The following GRHL1 variants were observed in gnomAD, a reference collection of about 807,000 sequenced individuals.
GRHL1 encodes grainyhead-like protein 1 homolog.
In GRHL1, 38 loss-of-function variants were observed where a neutral mutation model predicts 75.7. The observed-to-expected ratio is 0.50, with a 90% CI of 0.39 to 0.66. The LOEUF is 0.66. GRHL1 is among the 30% of genes least tolerant of loss of function. The probability of loss-of-function intolerance (pLI) is 0.00; values close to 1 mark genes in which losing one functional copy is unlikely to be tolerated. For synonymous variants in GRHL1, 266 were observed against 279.4 expected (o/e 0.95, Z 0.48); for missense variants, 589 against 767.5 (o/e 0.77, Z 2.75).
chr2:9,990,821 C>A lies in GRHL1; in HGVS notation c.1321+74C>A. On this transcript the variant is annotated intron_variant, in intron 10 of 15. Coordinates refer to ENST00000324907, the MANE Select transcript of GRHL1 (RefSeq NM_198182.3). This position sits in a 1 kb window ranked among gnomAD's most constrained non-coding sequence, Gnocchi z 4.2. ...GTTCCCGGCAAGCTTCAGACCTTTT[C>A]CATTGAGAATGGTGGCTGGAGTTTG... The A allele has an allele frequency of 8.2e-7, 1 of 1,225,456 alleles. No individual in the cohort carries two copies. The allele number at this position is 1,225,456 out of a possible 1,614,324, so 75.9% of individuals were successfully genotyped here.
At chr2:9,998,681 CATATATATGTACACACATAT>C (rs1558320765) in intron 14 of GRHL1, among the ~76,000 whole-genome samples, 1 of 64,728 alleles carries the variant, frequency 1.5e-5, no homozygotes, top group Admixed American at 1.9e-4. Flanking sequence ...CATATATATA[CATATATATGTACACACATAT>C]ATATACATAT....
intron 15 of GRHL1, among the ~76,000 whole-genome samples, chr2:9,999,415 G>A (rs1390899068): frequency 6.6e-6 from 1 of 152,252 alleles, no homozygotes; most frequent in Non-Finnish European, 1.5e-5. Flanking sequence ...ACTGAGGATG[G>A]CCAGGGCAGC....
intron 12 of GRHL1, among the ~76,000 whole-genome samples, chr2:9,993,464 T>C (rs1481723278): frequency 6.6e-6 from 1 of 152,248 alleles, no homozygotes; most frequent in Non-Finnish European, 1.5e-5. Flanking sequence ...TAACATTGCT[T>C]CATTAGCACC....
At chr2:9,991,862 T>C (rs1020679784) in intron 10 of GRHL1, 145 bp from the exon 11 acceptor site, 2 of 527,518 alleles carry the variant, frequency 3.8e-6, no homozygotes, top group South Asian at 3.4e-5. Context: ...CTGGGATTCT[T>C]AGGCAGGCAG....
chr2:9,956,827 C>T (rs909293982), intron 2 of GRHL1, among the ~76,000 whole-genome samples: 4 of 152,102 alleles, frequency 2.6e-5, no homozygotes, highest in Non-Finnish European at 4.4e-5. Context: ...GGGAGAAACT[C>T]GTTGGTACAA....
chr2:9,971,903 T>C (rs962824187), intron 8 of GRHL1, among the ~76,000 whole-genome samples: 1 of 152,250 alleles, frequency 6.6e-6, no homozygotes, highest in Non-Finnish European at 1.5e-5. Flanking sequence ...TCTAATTTTT[T>C]TTTAAAGCTA....
In GRHL1 at chr2:9,954,439, G is replaced by A. The variant is rs560192339; in HGVS notation, c.21-476G>A. ...CTGCTGCTTCTCCCCTCCCCACTGT[G>A]TTCAGGTAGGAATTTTTAAGGCATG... On this transcript the variant is annotated intron_variant, in intron 1 of 15. Coordinates refer to ENST00000324907, the MANE Select transcript of GRHL1 (RefSeq NM_198182.3). Among the ~76,000 whole-genome samples, 5 of 152,258 alleles carry A rather than the reference G, an allele frequency of 3.3e-5. No individual in the cohort carries two copies. The South Asian group carries it at 8.3e-4, about 25-fold the overall frequency.
At chr2:9,975,880 T>C (rs1312015033) in intron 8 of GRHL1, among the ~76,000 whole-genome samples, 4 of 151,900 alleles carry the variant, frequency 2.6e-5, no homozygotes, top group Non-Finnish European at 4.4e-5. Context: ...GAAAAAAAAC[T>C]CTGTCTCAAA....
chr2:9,998,993 A>G lies in GRHL1; in HGVS notation c.1706A>G (p.Asp569Gly). 1 of 1,580,972 alleles carries G rather than the reference A, an allele frequency of 6.3e-7. No individual in the cohort carries two copies. Among genetic ancestry groups the G allele is most frequent in the Non-Finnish European group, 8.6e-7 (1 of 1,159,964 alleles). The change falls in exon 15 of 16, where the codon GAC becomes GGC. Residue 569 changes from aspartate (D) to glycine (G), a missense_variant. Physicochemically the swap from Asp to Gly is moderately conservative, Grantham distance 94. Around this residue, in one of 5 missense-constraint regions of GRHL1, gnomAD observed 192 missense variants for 226.6 expected, o/e 0.85. Transcript: ENST00000324907. The part of the protein sequence containing the change: ...AISDKYDVPH[D>G]KIGKIFKKCK... ...TCAGACAAATACGATGTTCCCCATG[A>G]CAAGATTGGGAAAATATTCAAGAAG... is the stretch of plus-strand genomic sequence containing the variant.
intron 7 of GRHL1, 186 bp downstream of exon 7, chr2:9,964,532 G>GTAA: frequency 3.8e-6 from 2 of 532,652 alleles, no homozygotes; most frequent in Non-Finnish European, 6.7e-6. Context: ...CTCCCATGCA[G>GTAA]TAATGGGACA....
chr2:9,951,812 C>T lies in GRHL1; in HGVS notation c.-22C>T, dbSNP rs1035330741. 3 of 1,528,828 alleles carry T rather than the reference C, an allele frequency of 2.0e-6. No homozygotes were observed. The highest frequency in any genetic ancestry group is 1.4e-5 in the African/African-American group (1 of 69,360). 94.7% of individuals were successfully genotyped at this position (1,528,828 alleles called of 1,614,324 possible). A position where few individuals can be genotyped will look rare whatever the true frequency, so the allele number is the denominator to read the frequency against. ...CAACCCGAAAGTCCAGTTCTGCGGC[C>T]CGGCAGCGGCGAGCGGGCGCGATGA... On this transcript the variant is annotated 5_prime_UTR_variant, in exon 1 of 16. Transcript: ENST00000324907. This position sits in a 1 kb window ranked among gnomAD's most constrained non-coding sequence, Gnocchi z 4.2.
chr2:9,992,756 A>G lies in GRHL1; in HGVS notation c.1462-451A>G, dbSNP rs1487885634. ...TCATGCACTTTGTGGACAGATTTATAAGGACTAAAGATTCGTCAGAGTTCT... is the reference window on the plus strand; with the variant it reads ...TCATGCACTTTGTGGACAGATTTATGAGGACTAAAGATTCGTCAGAGTTCT... On this transcript the variant is annotated intron_variant, in intron 11 of 15. Transcript: ENST00000324907. This position sits in a 1 kb window ranked among gnomAD's most constrained non-coding sequence, Gnocchi z 4.6. Among the ~76,000 whole-genome samples the G allele has an allele frequency of 6.6e-6, 1 of 152,246 alleles. No individual in the cohort carries two copies. The highest frequency in any genetic ancestry group is 1.5e-5 in the Non-Finnish European group (1 of 68,044).
In GRHL1 at chr2:9,990,402, C is replaced by G. The variant is rs1033146197; in HGVS notation, c.1270-294C>G. ...CTGACCTCAAATGATCCACCCACCT[C>G]GGCCTCCCAAAGTGCTGGGATTACA... On this transcript the variant is annotated intron_variant, in intron 9 of 15. Coordinates refer to ENST00000324907, the MANE Select transcript of GRHL1 (RefSeq NM_198182.3). This position sits in a 1 kb window ranked among gnomAD's most constrained non-coding sequence, Gnocchi z 4.2. Among the ~76,000 whole-genome samples the G allele has an allele frequency of 6.6e-6, 1 of 152,240 alleles. No homozygotes were observed. The highest frequency in any genetic ancestry group is 6.5e-5 in the Admixed American group (1 of 15,306).
chr2:9,957,701 G>A (rs1325213711), intron 2 of GRHL1, among the ~76,000 whole-genome samples: 2 of 152,166 alleles, frequency 1.3e-5, no homozygotes, highest in Admixed American at 1.3e-4. Context: ...GAGCCACCGC[G>A]CCTGGCCAGC....
At chr2:9,962,679 C>T in intron 5 of GRHL1, 148 bp downstream of exon 5, 1 of 597,126 alleles carries the variant, frequency 1.7e-6, no homozygotes, top group Non-Finnish European at 3.0e-6. Flanking sequence ...TAGAGGACAT[C>T]TGCTTCAGTG....
chr2:9,952,880 C>T (rs890810987), intron 1 of GRHL1: 6 of 374,430 alleles, frequency 1.6e-5, no homozygotes, highest in Non-Finnish European at 3.2e-5. Context: ...TATGGAGTAT[C>T]TTAAATGGAT....
intron 8 of GRHL1, chr2:9,966,410 GAAAA>G (rs141677285): frequency 1.4e-5 from 2 of 147,838 alleles, no homozygotes; most frequent in Non-Finnish European, 3.0e-5. Flanking sequence ...CCAAAAAAAA[GAAAA>G]AAAAAACTCA....
intron 8 of GRHL1, among the ~76,000 whole-genome samples, chr2:9,969,782 A>C (rs1667640645): frequency 6.6e-6 from 1 of 151,808 alleles, no homozygotes; most frequent in Non-Finnish European, 1.5e-5. Context: ...GGTCAAAGGA[A>C]ATTGCAGGAT....
In GRHL1 at chr2:9,990,886, T is replaced by C; in HGVS notation, c.1321+139T>C. On this transcript the variant is annotated intron_variant, in intron 10 of 15. Transcript: ENST00000324907. The surrounding 1 kb of genome is among the most constrained non-coding windows in gnomAD (Gnocchi z 4.2). ...TGGGTGTTCTTCCTGTTCTGCAGTG[T>C]GGCACTGCCTCTTCCTCAGATCAGC... 4.9e-6 allele frequency: 3 copies of C among 613,144 alleles called. No homozygotes were observed. Among genetic ancestry groups the C allele is most frequent in the Non-Finnish European group, 8.7e-6 (3 of 344,802 alleles). The allele number at this position is 613,144 out of a possible 1,614,324, so 38.0% of individuals were successfully genotyped here. A position where few individuals can be genotyped will look rare whatever the true frequency, so the allele number is the denominator to read the frequency against.
Sources: gnomAD v4.1 joint callset for allele counts (sites outside exome capture counted in the v4.1 genomes callset) on GRCh38, gnomAD v4.1.1 for gene constraint, gnomAD v4.1.1 regional missense constraint, Gnocchi (gnomAD v3.1) non-coding constraint, MANE v1.5 for transcripts, NCBI Gene and HGNC (gene_info 2026-07-23, HGNC 2026-07-21) for gene names.